The following ACOXL variants were observed in gnomAD, a reference collection of about 807,000 sequenced individuals.
ACOXL encodes the protein acyl-CoA oxidase like, also known as acyl-coenzyme A oxidase-like protein.
Under a neutral mutation model 71.9 loss-of-function variants are expected in ACOXL, and 70 were observed. The ratio of observed to expected loss-of-function variants is 0.97; its 90% CI spans 0.80 to 1.19. The LOEUF (loss-of-function observed/expected upper bound fraction) is 1.19. Among genes scored for constraint, ACOXL ranks in the 50% most tolerant of loss-of-function variants. ACOXL has a pLI of 0.00. For missense variants in ACOXL, 703 were observed against 736.3 expected (o/e 0.95, Z 0.52); for synonymous variants, 253 against 281.6 (o/e 0.90, Z 1.02).
At chr2:110,873,785 A>G (rs1008248558) in intron 10 of ACOXL, among the ~76,000 whole-genome samples, 1 of 152,198 alleles carries the variant, frequency 6.6e-6, no homozygotes, top group Non-Finnish European at 1.5e-5. Flanking sequence ...TGCGTTTTCT[A>G]CGTCTGTCCA....
rs541064789 is a variant in ACOXL at position 110,750,171 on chromosome 2, G to A, written c.-23+17397G>A. Among the ~76,000 whole-genome samples, 49 of 152,348 alleles carry A rather than the reference G, an allele frequency of 3.2e-4. 1 individual carries two copies. The South Asian group carries it at 9.7e-3, about 30-fold the overall frequency. ...TCTGTCCAACATTCAAGTTGGGTGA[G>A]TGGGTAGGTGGGGCTAGTTAAGCTC... is the stretch of plus-strand genomic sequence containing the variant. On this transcript the variant is annotated intron_variant, in intron 1 of 17. Coordinates refer to ENST00000439055, the MANE Select transcript of ACOXL (RefSeq NM_001142807.4).
intron 1 of ACOXL, among the ~76,000 whole-genome samples, chr2:110,762,817 A>C (rs568778091): frequency 3.3e-5 from 5 of 152,126 alleles, no homozygotes; most frequent in African/African-American, 1.2e-4. Flanking sequence ...AACCACATCC[A>C]GGTAATTTTT....
At chr2:110,954,590 T>C (rs938306943) in intron 12 of ACOXL, among the ~76,000 whole-genome samples, 1 of 152,214 alleles carries the variant, frequency 6.6e-6, no homozygotes, top group Non-Finnish European at 1.5e-5. Context: ...ATAGAAGAGC[T>C]TAGATTGCTT....
At chr2:110,737,258 C>T (rs1676978835) in intron 1 of ACOXL, among the ~76,000 whole-genome samples, 1 of 152,112 alleles carries the variant, frequency 6.6e-6, no homozygotes, top group South Asian at 2.1e-4. Context: ...TGGGCCACTA[C>T]TCTCAATTCT....
intron 10 of ACOXL, among the ~76,000 whole-genome samples, chr2:110,888,280 C>G (rs552576481): frequency 6.6e-6 from 1 of 152,326 alleles, no homozygotes; most frequent in Non-Finnish European, 1.5e-5. Flanking sequence ...ATGACCTAGG[C>G]TTGTCCTGGG....
intron 17 of ACOXL, among the ~76,000 whole-genome samples, chr2:111,107,887 A>AT (rs1558976429): frequency 6.6e-6 from 1 of 152,154 alleles, no homozygotes; most frequent in Non-Finnish European, 1.5e-5. Context: ...TGGAACTTCA[A>AT]TTTTTTGAGC....
intron 1 of ACOXL, among the ~76,000 whole-genome samples, chr2:110,734,143 TACAC>T (rs1676544215): frequency 6.6e-6 from 1 of 152,244 alleles, no homozygotes; most frequent in African/African-American, 2.4e-5. Context: ...TTTCATAAAA[TACAC>T]TAATAGATTT....
chr2:111,038,587 AAAG>A (rs1281655294), intron 15 of ACOXL, among the ~76,000 whole-genome samples: 2 of 152,204 alleles, frequency 1.3e-5, no homozygotes, highest in African/African-American at 4.8e-5. Flanking sequence ...AAAAGTAAAA[AAAG>A]AAATTATTTG....
At chr2:111,051,460 T>A (rs1267588304) in intron 16 of ACOXL, among the ~76,000 whole-genome samples, 2 of 152,186 alleles carry the variant, frequency 1.3e-5, no homozygotes, top group African/African-American at 4.8e-5. Context: ...AACGTAGATC[T>A]GGGCCAAATA....
chr2:110,932,457 G>A (rs1261053481), intron 11 of ACOXL, among the ~76,000 whole-genome samples: 1 of 152,168 alleles, frequency 6.6e-6, no homozygotes, highest in Admixed American at 6.5e-5. Flanking sequence ...AAATAGGCAT[G>A]AGGTTTATCA....
chr2:110,860,101 G>T (rs11894642), intron 10 of ACOXL, among the ~76,000 whole-genome samples: 1 of 151,920 alleles, frequency 6.6e-6, no homozygotes, highest in African/African-American at 2.4e-5. Flanking sequence ...TGGGGTTGTC[G>T]CCTAAATAGC....
At chr2:110,956,419 G>A (rs951831153) in intron 12 of ACOXL, among the ~76,000 whole-genome samples, 2 of 152,170 alleles carry the variant, frequency 1.3e-5, no homozygotes, top group African/African-American at 4.8e-5. Flanking sequence ...GGGCAGCAGC[G>A]ATAGGGTCCC....
chr2:111,045,758 G>A (rs1022343501), intron 15 of ACOXL, among the ~76,000 whole-genome samples: 3 of 152,208 alleles, frequency 2.0e-5, no homozygotes, highest in South Asian at 4.1e-4. Flanking sequence ...GGAAAAAGCC[G>A]AGACATAGGT....
At chr2:110,825,285 A>G (rs1411960155) in intron 9 of ACOXL, among the ~76,000 whole-genome samples, 10 of 152,204 alleles carry the variant, frequency 6.6e-5, no homozygotes, top group Admixed American at 4.6e-4. Context: ...ATACTGAACT[A>G]GTTTTCAACT....
intron 9 of ACOXL, among the ~76,000 whole-genome samples, chr2:110,822,461 A>G (rs1291728570): frequency 6.6e-6 from 1 of 152,122 alleles, no homozygotes; most frequent in African/African-American, 2.4e-5. Context: ...ATTCCATGCA[A>G]ACAACTTTAT....
intron 8 of ACOXL, among the ~76,000 whole-genome samples, chr2:110,803,985 C>CTTTTTT (rs1177385627): frequency 7.6e-6 from 1 of 132,258 alleles, no homozygotes; most frequent in African/African-American, 2.8e-5. Flanking sequence ...ACTAGGATGT[C>CTTTTTT]TTTTTTTTTT....
At chr2:111,109,986 G>A (rs2069833725) in intron 17 of ACOXL, among the ~76,000 whole-genome samples, 1 of 151,972 alleles carries the variant, frequency 6.6e-6, no homozygotes, top group Non-Finnish European at 1.5e-5. Flanking sequence ...CCTTCTCCTT[G>A]TAAATTCTTG....
At chr2:110,960,592 T>A (rs554357449) in intron 12 of ACOXL, among the ~76,000 whole-genome samples, 1 of 151,956 alleles carries the variant, frequency 6.6e-6, no homozygotes, top group South Asian at 2.1e-4. Context: ...ACTCTGAGCC[T>A]CTTTCTTGGG....
intron 14 of ACOXL, among the ~76,000 whole-genome samples, chr2:110,997,123 G>C (rs1262751627): frequency 1.3e-5 from 2 of 152,168 alleles, no homozygotes; most frequent in African/African-American, 4.8e-5. Context: ...GTGAAGAGCA[G>C]AATTAACAAG....
Sources: gnomAD v4.1 joint callset for allele counts (sites outside exome capture counted in the v4.1 genomes callset) on GRCh38, gnomAD v4.1.1 for gene constraint, MANE v1.5 for transcripts, NCBI Gene and HGNC (gene_info 2026-07-23, HGNC 2026-07-21) for gene names.